The following BZW2 variants were observed in gnomAD, a reference collection of about 807,000 sequenced individuals.
The protein encoded by BZW2 is eIF5-mimic protein 1.
In BZW2, 23 loss-of-function variants were observed where a neutral mutation model predicts 53.2. The observed-to-expected ratio is 0.43, with a 90% CI of 0.31 to 0.61. The LOEUF (loss-of-function observed/expected upper bound fraction) is 0.61. Among genes scored for constraint, BZW2 ranks in the 20% least tolerant of loss-of-function variants. The pLI is 0.09. For missense variants in BZW2, 409 were observed against 503.1 expected, an observed-to-expected ratio of 0.81 and a Z score of 1.79; for synonymous variants, 227 against 186.4, an observed-to-expected ratio of 1.22 and a Z score of -1.77.
At chr7:16,683,886 C>A (rs1427402269) in intron 5 of BZW2, among the ~76,000 whole-genome samples, 1 of 152,174 alleles carries the variant, frequency 6.6e-6, no homozygotes, top group Non-Finnish European at 1.5e-5. Flanking sequence ...TGCACCCCAC[C>A]CCACCCAGTT....
chr7:16,651,836 C>G (rs1195232209), intron 1 of BZW2, among the ~76,000 whole-genome samples: 1 of 152,132 alleles, frequency 6.6e-6, no homozygotes, highest in Non-Finnish European at 1.5e-5. Context: ...GTAACATATG[C>G]TAATTCAATT....
chr7:16,692,991 G>T (rs1276560475), intron 7 of BZW2, among the ~76,000 whole-genome samples: 1 of 152,200 alleles, frequency 6.6e-6, no homozygotes, highest in Non-Finnish European at 1.5e-5. Context: ...CAAGGGGAGA[G>T]CAGGTGAGAG....
At chr7:16,667,599 T>C (rs1782469920) in intron 2 of BZW2, among the ~76,000 whole-genome samples, 1 of 152,204 alleles carries the variant, frequency 6.6e-6, no homozygotes, top group Admixed American at 6.5e-5. Context: ...TGCAATATAA[T>C]AGATCATTTG....
intron 5 of BZW2, among the ~76,000 whole-genome samples, chr7:16,683,934 G>T (rs1783035464): frequency 6.6e-6 from 1 of 152,068 alleles, no homozygotes. Flanking sequence ...GAGCAATTTG[G>T]CAATAGTCAT....
intron 1 of BZW2, among the ~76,000 whole-genome samples, chr7:16,657,824 G>A (rs1782158467): frequency 6.6e-6 from 1 of 152,134 alleles, no homozygotes; most frequent in Admixed American, 6.6e-5. Context: ...CTCTGGCTTT[G>A]CTCACCATTG....
chr7:16,693,554 G>A (rs1783386422), intron 7 of BZW2, among the ~76,000 whole-genome samples: 1 of 152,132 alleles, frequency 6.6e-6, no homozygotes, highest in African/African-American at 2.4e-5. Context: ...GCATAAATTG[G>A]GTCAAGCTGC....
chr7:16,686,838 G>A (rs1783142617), intron 6 of BZW2: 2 of 152,126 alleles, frequency 1.3e-5, no homozygotes, highest in Non-Finnish European at 2.9e-5. Flanking sequence ...AGAGTCAATT[G>A]GTCTTATTCA....
intron 1 of BZW2, among the ~76,000 whole-genome samples, chr7:16,652,671 C>T (rs550847144): frequency 2.5e-4 from 38 of 152,012 alleles, no homozygotes; most frequent in Non-Finnish European, 5.6e-4. Flanking sequence ...ATTACAGGCG[C>T]CTGCCACCAT....
chr7:16,650,928 G>A (rs1195680775), intron 1 of BZW2, among the ~76,000 whole-genome samples: 1 of 152,118 alleles, frequency 6.6e-6, no homozygotes, highest in East Asian at 1.9e-4. Flanking sequence ...CTCATTGAAT[G>A]AACCATTCTT....
intron 1 of BZW2, among the ~76,000 whole-genome samples, chr7:16,648,086 C>T (rs1261796271): frequency 6.6e-6 from 1 of 152,154 alleles, no homozygotes; most frequent in Non-Finnish European, 1.5e-5. Flanking sequence ...AAATCATGTT[C>T]AGTTTACATT....
intron 7 of BZW2, among the ~76,000 whole-genome samples, chr7:16,692,835 G>C (rs1334534247): frequency 1.3e-5 from 2 of 152,160 alleles, no homozygotes; most frequent in Non-Finnish European, 1.5e-5. Flanking sequence ...ACTTTCAGTG[G>C]TGGAAAGCCC....
At chr7:16,658,988 A>G (rs1385749461) in intron 1 of BZW2, among the ~76,000 whole-genome samples, 3 of 151,612 alleles carry the variant, frequency 2.0e-5, no homozygotes, top group African/African-American at 7.3e-5. Context: ...AAAAAGCATT[A>G]AACAGGATCA....
At chr7:16,651,008 T>G (rs530355369) in intron 1 of BZW2, among the ~76,000 whole-genome samples, 1 of 152,352 alleles carries the variant, frequency 6.6e-6, no homozygotes, top group South Asian at 2.1e-4. Context: ...GTGTTTCCAT[T>G]GATGTTTTTT....
intron 6 of BZW2, chr7:16,688,431 C>T (rs931705467): frequency 2.6e-5 from 4 of 152,216 alleles, no homozygotes; most frequent in Non-Finnish European, 5.9e-5. Flanking sequence ...CTGACACAGG[C>T]TGCATGACTA....
chr7:16,652,840 T>A (rs1275296237), intron 1 of BZW2, among the ~76,000 whole-genome samples: 2 of 152,196 alleles, frequency 1.3e-5, no homozygotes, highest in Non-Finnish European at 2.9e-5. Flanking sequence ...CTTTTTAAAA[T>A]GTATGATTCA....
intron 6 of BZW2, 151 bp downstream of exon 6, chr7:16,686,191 C>T: frequency 8.1e-7 from 1 of 1,234,132 alleles, no homozygotes; most frequent in South Asian, 1.4e-5. Flanking sequence ...TATTGCCTTT[C>T]AAATAATAAA....
intron 3 of BZW2, among the ~76,000 whole-genome samples, chr7:16,679,547 G>C (rs1047277986): frequency 6.6e-6 from 1 of 152,222 alleles, no homozygotes; most frequent in Non-Finnish European, 1.5e-5. Flanking sequence ...GGGATGATAA[G>C]CTAAGGAAAG....
Position 16,696,957 on chromosome 7 carries a change from C to T in BZW2, c.865C>T (p.Pro289Ser). Residue 289 changes from proline (P) to serine (S), a missense_variant, in exon 9 of 12, where the codon CCA becomes TCA. Transcript: ENST00000258761. ...VKEEMKRNDL[P>S]ETAVIGLLWT... ...AGAAGAAATGAAGAGGAATGATCTT[C>T]CAGAAACAGCAGTGATTGGTCTTCT... 4 of 1,614,010 alleles carry T rather than the reference C, an allele frequency of 2.5e-6. No individual in the cohort carries two copies. Among genetic ancestry groups the T allele is most frequent in the Non-Finnish European group, 3.4e-6 (4 of 1,179,968 alleles).
chr7:16,669,579 A>T (rs1782538654), intron 2 of BZW2, among the ~76,000 whole-genome samples: 1 of 152,186 alleles, frequency 6.6e-6, no homozygotes, highest in African/African-American at 2.4e-5. Flanking sequence ...GGAAAAAAGA[A>T]AATATGTGAT....
Sources: gnomAD v4.1 joint callset for allele counts (sites outside exome capture counted in the v4.1 genomes callset) on GRCh38, gnomAD v4.1.1 for gene constraint, MANE v1.5 for transcripts, NCBI Gene and HGNC (gene_info 2026-07-23, HGNC 2026-07-21) for gene names.